TAC3: variants seen among roughly 807,000 people sequenced by gnomAD.
The protein encoded by TAC3 is tachykinin precursor 3.
In TAC3, 9 loss-of-function variants were observed where a neutral mutation model predicts 16.5. That is an observed-to-expected ratio of 0.55 (90% confidence interval 0.33 to 0.95). The LOEUF (loss-of-function observed/expected upper bound fraction) is 0.95. Ranked by LOEUF, TAC3 falls within the 40% of genes least tolerant of loss-of-function variation. The pLI is 0.03. For missense variants in TAC3, 129 were observed against 149.1 expected, an observed-to-expected ratio of 0.87 and a Z score of 0.70; for synonymous variants, 52 against 56.7, an observed-to-expected ratio of 0.92 and a Z score of 0.37.
intron 4 of TAC3, 41 bp downstream of exon 4, chr12:57,013,318 G>A: frequency 6.2e-7 from 1 of 1,612,734 alleles, no homozygotes; most frequent in Non-Finnish European, 8.5e-7. Flanking sequence ...CAGAGCTCTG[G>A]GCAAGTGGCA....
Position 57,012,879 on chromosome 12 carries a change from C to T in TAC3, c.239-4G>A. ...ACAAAGAAGTCATGCATGTCACCTG[C>T]AGAAAAGGGCCAACATTGTCAGCAG... is the stretch of plus-strand genomic sequence containing the variant. On this transcript the variant is annotated splice_region_variant and splice_polypyrimidine_tract_variant and intron_variant, in intron 4 of 6. Transcript: ENST00000458521. The T allele has an allele frequency of 6.2e-7, 1 of 1,614,170 alleles. No individual in the cohort carries two copies. Among genetic ancestry groups the T allele is most frequent in the Non-Finnish European group, 8.5e-7 (1 of 1,180,008 alleles).
In TAC3 at chr12:57,015,765, C is replaced by A; in HGVS notation, c.33G>T (p.Leu11=). Reference sequence around the variant, plus strand: ...CAAAGCTCTGAGCTAGGCTGAAGGCCAGGATGGCTGTGAATAGCAGCATGA... The same window carrying A: ...CAAAGCTCTGAGCTAGGCTGAAGGCAAGGATGGCTGTGAATAGCAGCATGA... MRIMLLFTAI[L]AFSLAQSFGA... The change falls in exon 2 of 7, where the codon CTG becomes CTT. Residue 11 remains leucine, a synonymous_variant. Transcript: ENST00000458521. The A allele has an allele frequency of 6.2e-7, 1 of 1,614,178 alleles. No homozygotes were observed. Among genetic ancestry groups the A allele is most frequent in the Non-Finnish European group, 8.5e-7 (1 of 1,180,036 alleles).
At chr12:57,015,044 AAAGG>A (rs1956353475) in intron 2 of TAC3, among the ~76,000 whole-genome samples, 1 of 152,008 alleles carries the variant, frequency 6.6e-6, no homozygotes, top group Non-Finnish European at 1.5e-5. Context: ...TCTTTTTCGT[AAAGG>A]AACTGTGGAA....
At chr12:57,013,234 C>T in intron 4 of TAC3, 125 bp downstream of exon 4, 2 of 1,241,684 alleles carry the variant, frequency 1.6e-6, no homozygotes, top group African/African-American at 1.5e-5. Flanking sequence ...GTTGGCTGAG[C>T]AGTGGGAGCT....
In TAC3 at chr12:57,016,510, G is replaced by A; in HGVS notation, c.-129C>T. 4.4e-6 allele frequency: 2 copies of A among 454,472 alleles called. No homozygotes were observed. The highest frequency in any genetic ancestry group is 8.8e-6 in the Non-Finnish European group (2 of 226,766). The allele number at this position is 454,472 out of a possible 1,614,324, so 28.2% of individuals were successfully genotyped here. On this transcript the variant is annotated 5_prime_UTR_variant, in exon 1 of 7. Transcript: ENST00000458521. The stretch of plus-strand genomic sequence containing the variant: ...GCTCCTGCAAAGAGAGAAACCGAGT[G>A]GAGGGGATCTAGGAAGGCTGCAGTC...
At chr12:57,012,569 T>A in intron 5 of TAC3, 117 bp from the exon 6 acceptor site, 7 of 1,604,170 alleles carry the variant, frequency 4.4e-6, no homozygotes, top group Non-Finnish European at 6.0e-6. Flanking sequence ...GTTGGGAGAC[T>A]GGGGTGGAAG....
intron 4 of TAC3, 168 bp from the exon 5 acceptor site, chr12:57,013,043 C>A: frequency 1.2e-6 from 1 of 861,600 alleles, no homozygotes; most frequent in Non-Finnish European, 1.9e-6. Flanking sequence ...ACTCTCTCTG[C>A]TCACCTTTCC....
intron 4 of TAC3, chr12:57,013,101 G>C (rs1051473221): frequency 2.7e-6 from 2 of 734,384 alleles, no homozygotes; most frequent in Non-Finnish European, 4.6e-6. Context: ...GCCTGATTTG[G>C]AATTTTCAGG....
At chr12:57,015,438 C>T (rs1235557653) in intron 2 of TAC3, among the ~76,000 whole-genome samples, 3 of 152,132 alleles carry the variant, frequency 2.0e-5, no homozygotes, top group Non-Finnish European at 4.4e-5. Context: ...ATCAACCCAC[C>T]AAACAACATA....
At chr12:57,015,636 G>T in intron 2 of TAC3, 48 bp downstream of exon 2, 1 of 1,556,104 alleles carries the variant, frequency 6.4e-7, no homozygotes. Flanking sequence ...GACAGGCAGA[G>T]TCCCAAGTTC....
chr12:57,012,134 T>C (rs1956306565), intron 6 of TAC3: 2 of 544,028 alleles, frequency 3.7e-6, no homozygotes, highest in East Asian at 6.5e-5. Flanking sequence ...CAACACTCAC[T>C]CCTGCTCAAT....
intron 2 of TAC3, among the ~76,000 whole-genome samples, chr12:57,014,079 G>C (rs1050440622): frequency 2.0e-5 from 3 of 152,102 alleles, no homozygotes; most frequent in East Asian, 1.9e-4. Flanking sequence ...ATGGCTTTCC[G>C]CCTCTAGTTT....
rs1318333510 is a variant in TAC3, at chr12:57,013,572, T to C, written c.208+6A>G. 1.2e-6 allele frequency: 2 copies of C among 1,612,974 alleles called. No individual in the cohort carries two copies. The highest frequency in any genetic ancestry group is 1.7e-6 in the Non-Finnish European group (2 of 1,179,738). ...CATTCCCCTCTCCCCTAGGGCCGCC[T>C]CCTACCTGTGCTAGCCTGGCTCAGG... On this transcript the variant is annotated splice_donor_region_variant and intron_variant, in intron 3 of 6. Transcript: ENST00000458521.
At chr12:57,012,570 G>C in intron 5 of TAC3, 118 bp from the exon 6 acceptor site, 1 of 1,596,448 alleles carries the variant, frequency 6.3e-7, no homozygotes, top group Non-Finnish European at 8.6e-7. Context: ...TTGGGAGACT[G>C]GGGTGGAAGC....
chr12:57,012,512 A>C, intron 5 of TAC3, 60 bp from the exon 6 acceptor site: 1 of 1,608,202 alleles, frequency 6.2e-7, no homozygotes, highest in South Asian at 1.1e-5. Context: ...CTACACCCTG[A>C]TCCAACAGCA....
Position 57,010,208 on chromosome 12 carries a change from G to A in TAC3, c.*82C>T, listed in dbSNP as rs1246873529. The A allele has an allele frequency of 6.6e-6, 3 of 453,982 alleles. No homozygotes were observed. The highest frequency in any genetic ancestry group is 6.0e-5 in the African/African-American group (3 of 49,992). The allele number at this position is 453,982 out of a possible 1,614,324, so 28.1% of individuals were successfully genotyped here. ...GTTACAAGAACAGGGAAGAGAAAGG[G>A]TAACAGGAGCGTGCGCACCTGGGGA... On this transcript the variant is annotated 3_prime_UTR_variant, in exon 7 of 7. Transcript: ENST00000458521.
chr12:57,015,819 A>G lies in TAC3; in HGVS notation c.-5-17T>C, dbSNP rs988097855. ...TCATGGTGCCTGGGAGAGCAAAGGG[A>G]CAGGACTCAGGTAAAGGAGAGAAGA... On this transcript the variant is annotated splice_polypyrimidine_tract_variant and intron_variant, in intron 1 of 6. Coordinates refer to ENST00000458521, the MANE Select transcript of TAC3 (RefSeq NM_013251.4). 4 of 1,601,198 alleles carry G rather than the reference A, an allele frequency of 2.5e-6. 1 individual carries two copies. The highest frequency in any genetic ancestry group is 3.3e-4 in the Middle Eastern group (2 of 6,040).
intron 2 of TAC3, among the ~76,000 whole-genome samples, chr12:57,015,408 A>G (rs1956358286): frequency 6.6e-6 from 1 of 152,142 alleles, no homozygotes; most frequent in Non-Finnish European, 1.5e-5. Context: ...AGTACCATCC[A>G]ATCACCAAGT....
chr12:57,013,784 T>G, intron 2 of TAC3, 113 bp from the exon 3 acceptor site: 2 of 901,308 alleles, frequency 2.2e-6, no homozygotes, highest in Non-Finnish European at 3.5e-6. Context: ...ACACCCTATT[T>G]CTTTCAGAGT....
Sources: allele counts gnomAD v4.1 joint callset (sites outside exome capture counted in the v4.1 genomes callset), GRCh38; gene constraint gnomAD v4.1.1; transcripts MANE v1.5; gene names NCBI Gene and HGNC (gene_info 2026-07-23, HGNC 2026-07-21).